Variants in USP33 observed in about 807,000 individuals in gnomAD.
The protein encoded by USP33 is ubiquitin specific peptidase 33, also known as ubiquitin carboxyl-terminal hydrolase 33.
Under a neutral mutation model 124.2 loss-of-function variants are expected in USP33, and 46 were observed. The ratio of observed to expected loss-of-function variants is 0.37; its 90% CI spans 0.29 to 0.47. The LOEUF (loss-of-function observed/expected upper bound fraction) is 0.47. Among genes scored for constraint, USP33 ranks in the 20% least tolerant of loss-of-function variants. The probability of loss-of-function intolerance (pLI) is 0.99; values close to 1 mark genes in which losing one functional copy is unlikely to be tolerated. For missense variants in USP33, 851 were observed against 1,070.6 expected (o/e 0.79, Z 2.86); for synonymous variants, 350 against 352.3 (o/e 0.99, Z 0.07).
chr1:77,724,821 G>A (rs1676976468), intron 11 of USP33, among the ~76,000 whole-genome samples: 1 of 152,146 alleles, frequency 6.6e-6, no homozygotes, highest in Non-Finnish European at 1.5e-5. Context: ...ACTTTGGGAG[G>A]CAGAGGTGGG....
chr1:77,718,689 A>G (rs777073664), intron 15 of USP33, 48 bp from the exon 16 acceptor site: 35 of 1,444,302 alleles, frequency 2.4e-5, no homozygotes, highest in South Asian at 1.2e-5. Context: ...AAAACTTAGT[A>G]TATTTAAATT....
At chr1:77,719,867 A>AG (rs1676361080) in intron 15 of USP33, among the ~76,000 whole-genome samples, 1 of 151,084 alleles carries the variant, frequency 6.6e-6, no homozygotes, top group African/African-American at 2.4e-5. Flanking sequence ...AAAAAAAAAA[A>AG]AAAAAAAGTC....
At chr1:77,734,316 C>CAAATA in intron 7 of USP33, 31 bp downstream of exon 7, 1 of 1,491,450 alleles carries the variant, frequency 6.7e-7, no homozygotes, top group Non-Finnish European at 9.1e-7. Context: ...AAAAATTATA[C>CAAATA]AAATAAAACA....
intron 21 of USP33, among the ~76,000 whole-genome samples, chr1:77,707,251 CAGG>C (rs1674734013): frequency 6.6e-6 from 1 of 152,186 alleles, no homozygotes; most frequent in African/African-American, 2.4e-5. Context: ...ATCAAAGTGT[CAGG>C]AGAACCATTC....
At chr1:77,737,654 C>T (rs949908498) in intron 5 of USP33, among the ~76,000 whole-genome samples, 12 of 152,074 alleles carry the variant, frequency 7.9e-5, no homozygotes, top group Non-Finnish European at 1.5e-4. Context: ...AAGTTTATGC[C>T]TTTTATGTGT....
At chr1:77,720,425 T>A in intron 15 of USP33, 1 of 985,414 alleles carries the variant, frequency 1.0e-6, no homozygotes, top group Non-Finnish European at 1.2e-6. Context: ...AGTGATACTT[T>A]CTCCAAAAGT....
At chr1:77,722,339 G>T in intron 12 of USP33, 143 bp from the exon 13 acceptor site, 1 of 741,210 alleles carries the variant, frequency 1.3e-6, no homozygotes, top group East Asian at 2.9e-5. Context: ...AAATTGAACT[G>T]CTTTCATAGT....
Position 77,748,999 on chromosome 1 carries a change from C to T in USP33, c.-51-7251G>A, listed in dbSNP as rs115022657. 3.6e-3 allele frequency among the ~76,000 whole-genome samples: 543 copies of T among 152,190 alleles called. 1 individual carries two copies. The highest frequency in any genetic ancestry group is 0.027 in the Middle Eastern group (8 of 292). ...ACCAATCTTCCATCATTTTTTCAAA[C>T]CTTTCATGGGGATTGGGCAATTAAC... On this transcript the variant is annotated intron_variant, in intron 1 of 23. Transcript: ENST00000370794.
chr1:77,729,369 TA>T (rs1167126986), intron 9 of USP33, among the ~76,000 whole-genome samples: 2,043 of 115,488 alleles, frequency 0.018, 13 homozygotes, highest in African/African-American at 0.031. Flanking sequence ...TTATCTCTCT[TA>T]AAAAAAAAAA....
intron 1 of USP33, among the ~76,000 whole-genome samples, chr1:77,755,868 T>C (rs1419527984): frequency 6.6e-6 from 1 of 152,170 alleles, no homozygotes; most frequent in Non-Finnish European, 1.5e-5. Context: ...ATGCTTATAA[T>C]CCAGCATGGG....
chr1:77,715,720 C>A, intron 18 of USP33, 22 bp downstream of exon 18: 3 of 1,609,106 alleles, frequency 1.9e-6, no homozygotes, highest in Non-Finnish European at 2.5e-6. Flanking sequence ...TGTCCTTTCG[C>A]ATCTACACTT....
chr1:77,733,738 C>CA (rs1026649475), intron 7 of USP33, among the ~76,000 whole-genome samples: 9 of 151,948 alleles, frequency 5.9e-5, no homozygotes, highest in Non-Finnish European at 1.2e-4. Context: ...CTCCAAAATC[C>CA]AAAAAAATCT....
intron 8 of USP33, 118 bp downstream of exon 8, chr1:77,730,500 C>T: frequency 1.5e-6 from 1 of 677,478 alleles, no homozygotes; most frequent in East Asian, 3.1e-5. Flanking sequence ...ACAAAGCTGT[C>T]TCTAATCTAT....
intron 1 of USP33, among the ~76,000 whole-genome samples, chr1:77,742,153 GA>G (rs937844432): frequency 4.9e-5 from 7 of 144,230 alleles, no homozygotes; most frequent in Middle Eastern, 3.6e-3. Context: ...ACTAGGAGTT[GA>G]AAAAAAAAAA....
intron 1 of USP33, among the ~76,000 whole-genome samples, chr1:77,750,850 CTTTA>C (rs145144813): frequency 0.25 from 37,208 of 151,624 alleles, 4,681 homozygotes; most frequent in South Asian, 0.35. Context: ...TCTTTTATTC[CTTTA>C]TTTGACAAAT....
At position 77,725,733 on chromosome 1, in the gene USP33, G is replaced by A. The variant is rs995678416; in HGVS notation, c.1165C>T (p.Leu389=). The A allele has an allele frequency of 6.2e-7, 1 of 1,613,402 alleles. No individual in the cohort carries two copies. Residue 389 remains leucine (L), a synonymous_variant, in exon 11 of 24, where the codon CTG becomes TTG. Coordinates refer to ENST00000370794, the MANE Select transcript of USP33 (RefSeq NM_201624.3). ...GATGGAAGGATCTGTGGTGTAGACA[G>A]GTCATTCGAATGGACATCAGTGATA... The part of the protein sequence containing the change: ...EYITDVHSND[L]STPQILPSNE...
intron 21 of USP33, among the ~76,000 whole-genome samples, chr1:77,708,996 T>C (rs763997716): frequency 2.6e-5 from 4 of 152,198 alleles, no homozygotes; most frequent in Non-Finnish European, 5.9e-5. Flanking sequence ...ATTTGTTTCA[T>C]TTCTAATGAT....
chr1:77,716,309 C>G (rs1675892148), intron 17 of USP33, among the ~76,000 whole-genome samples: 1 of 152,180 alleles, frequency 6.6e-6, no homozygotes, highest in Non-Finnish European at 1.5e-5. Context: ...ATCCTTCTGC[C>G]TCAGCCTCCA....
intron 1 of USP33, among the ~76,000 whole-genome samples, chr1:77,744,492 A>G (rs1260853580): frequency 1.3e-5 from 2 of 152,178 alleles, no homozygotes; most frequent in Non-Finnish European, 2.9e-5. Flanking sequence ...CACACAAACT[A>G]CACCATGTAC....
Sources: gnomAD v4.1 joint callset for allele counts (sites outside exome capture counted in the v4.1 genomes callset) on GRCh38, gnomAD v4.1.1 for gene constraint, MANE v1.5 for transcripts, NCBI Gene and HGNC (gene_info 2026-07-23, HGNC 2026-07-21) for gene names.